The following KLRG2 variants were observed in gnomAD, a reference collection of about 807,000 sequenced individuals.
The protein encoded by KLRG2 is killer cell lectin-like receptor subfamily G member 2.
Under a neutral mutation model 35.4 loss-of-function variants are expected in KLRG2, and 39 were observed. The ratio of observed to expected loss-of-function variants is 1.10; its 90% confidence interval spans 0.85 to 1.44. KLRG2 has a LOEUF of 1.44. KLRG2 is among the 40% of genes most tolerant of loss of function. KLRG2 has a pLI of 0.00. For synonymous variants in KLRG2, 283 were observed against 265.8 expected (o/e 1.06, Z -0.63); for missense variants, 632 against 570.9 (o/e 1.11, Z -1.09).
downstream of KLRG2, among the ~76,000 whole-genome samples, chr7:139,450,095 T>G (rs539746831): frequency 3.0e-4 from 46 of 151,706 alleles, no homozygotes; most frequent in Non-Finnish European, 5.0e-4. Context: ...CAGGGTGGAG[T>G]GCAGTGTTGT....
chr7:139,461,801 TAAAC>T (rs1796574151), intron 3 of KLRG2, among the ~76,000 whole-genome samples: 1 of 152,162 alleles, frequency 6.6e-6, no homozygotes, highest in African/African-American at 2.4e-5. Flanking sequence ...CCAGGTTAAA[TAAAC>T]AGCCTCATTG....
chr7:139,480,974 C>G (rs1326027291), intron 1 of KLRG2, among the ~76,000 whole-genome samples: 1 of 151,688 alleles, frequency 6.6e-6, no homozygotes, highest in Non-Finnish European at 1.5e-5. Context: ...GAACTCCTGA[C>G]CCTAAGTGAT....
the KLRG2 span, among the ~76,000 whole-genome samples, chr7:139,440,411 CTTTTTTTTTTT>C: frequency 7.4e-5 from 3 of 40,512 alleles, no homozygotes; most frequent in African/African-American, 3.4e-4. Flanking sequence ...CCACACCTGG[CTTTTTTTTTTT>C]TTTTTTTTTT....
the KLRG2 span, among the ~76,000 whole-genome samples, chr7:139,433,181 A>C: frequency 5.3e-5 from 8 of 152,174 alleles, no homozygotes; most frequent in African/African-American, 1.9e-4. Flanking sequence ...ACTTTCACTC[A>C]GTCTCCATCC....
intron 3 of KLRG2, among the ~76,000 whole-genome samples, chr7:139,457,260 C>A (rs1226364851): frequency 6.6e-6 from 1 of 152,070 alleles, no homozygotes; most frequent in Non-Finnish European, 1.5e-5. Context: ...GATGGGAGGG[C>A]CCCAGGCTGC....
chr7:139,475,667 A>G (rs549594442), intron 3 of KLRG2, among the ~76,000 whole-genome samples: 33 of 152,086 alleles, frequency 2.2e-4, no homozygotes, highest in African/African-American at 7.2e-4. Context: ...GTGTGTTTGT[A>G]TCATTTAAAA....
chr7:139,432,742 TAA>T, the KLRG2 span, among the ~76,000 whole-genome samples: 3 of 152,238 alleles, frequency 2.0e-5, no homozygotes, highest in Non-Finnish European at 4.4e-5. Context: ...CTGTATACTT[TAA>T]GTCACCTCTA....
chr7:139,453,276 A>G lies in KLRG2; in HGVS notation c.*311T>C. The G allele has an allele frequency of 2.1e-6, 1 of 473,840 alleles. No homozygotes were observed. The highest frequency in any genetic ancestry group is 5.3e-4 in the Middle Eastern group (1 of 1,884). 29.4% of individuals were successfully genotyped at this position (473,840 alleles called of 1,614,324 possible). A position where few individuals can be genotyped will look rare whatever the true frequency, so the allele number is the denominator to read the frequency against. On this transcript the variant is annotated 3_prime_UTR_variant, in exon 5 of 5. Transcript: ENST00000340940. ...ACCCTGTCTTTTTCCTCTAGGGGGAAATTGTCATTTTAATGAAACCAAGGC... is the reference window on the plus strand; with the variant it reads ...ACCCTGTCTTTTTCCTCTAGGGGGAGATTGTCATTTTAATGAAACCAAGGC...
intron 3 of KLRG2, among the ~76,000 whole-genome samples, chr7:139,463,669 A>C (rs542181887): frequency 7.4e-4 from 113 of 152,296 alleles, no homozygotes; most frequent in Non-Finnish European, 1.5e-3. Flanking sequence ...AGACTGTCCA[A>C]GTCACCCAGC....
chr7:139,456,356 TATTTTTATTTTTTTA>T (rs913766594), intron 3 of KLRG2, among the ~76,000 whole-genome samples: 2 of 152,188 alleles, frequency 1.3e-5, no homozygotes, highest in African/African-American at 2.4e-5. Context: ...GTCTCTTTTT[TATTTTTATTTTTTTA>T]ATTTTTATTT....
chr7:139,476,789 C>T (rs1796857730), intron 3 of KLRG2, among the ~76,000 whole-genome samples: 1 of 152,138 alleles, frequency 6.6e-6, no homozygotes, highest in Non-Finnish European at 1.5e-5. Flanking sequence ...TGCTGCCTTG[C>T]TCACCTTGAC....
chr7:139,476,847 G>A (rs10273291), intron 3 of KLRG2, among the ~76,000 whole-genome samples: 2,638 of 152,174 alleles, frequency 0.017, 71 homozygotes, highest in African/African-American at 0.061. Context: ...ACTGTGCACC[G>A]TCCCTTCACA....
At chr7:139,473,983 T>C (rs906257505) in intron 3 of KLRG2, among the ~76,000 whole-genome samples, 2 of 148,348 alleles carry the variant, frequency 1.3e-5, no homozygotes, top group Admixed American at 6.7e-5. Flanking sequence ...ATGAATGACA[T>C]ACAAAGAACT....
the KLRG2 span, among the ~76,000 whole-genome samples, chr7:139,434,549 T>C: frequency 6.6e-6 from 1 of 152,234 alleles, no homozygotes. Flanking sequence ...AGCCTTCTCC[T>C]TGCTACTCAA....
At chr7:139,461,667 C>G (rs79381369) in intron 3 of KLRG2, among the ~76,000 whole-genome samples, 2 of 152,120 alleles carry the variant, frequency 1.3e-5, no homozygotes, top group Non-Finnish European at 2.9e-5. Context: ...TTATGACCCC[C>G]GCCCCTGCCC....
At chr7:139,464,562 C>T (rs1317617536) in intron 3 of KLRG2, among the ~76,000 whole-genome samples, 1 of 152,108 alleles carries the variant, frequency 6.6e-6, no homozygotes, top group East Asian at 1.9e-4. Context: ...AAATCCTTTC[C>T]CCACTCCCCT....
chr7:139,469,885 C>T (rs1041865941), intron 3 of KLRG2, among the ~76,000 whole-genome samples: 15 of 152,358 alleles, frequency 9.8e-5, no homozygotes, highest in South Asian at 4.1e-4. Context: ...CTCCAGCACA[C>T]GGTCAGGACA....
chr7:139,472,178 G>A (rs1323990133), intron 3 of KLRG2, among the ~76,000 whole-genome samples: 1 of 152,064 alleles, frequency 6.6e-6, no homozygotes, highest in Non-Finnish European at 1.5e-5. Flanking sequence ...CCAACAAAAC[G>A]TCATGCATGC....
At chr7:139,472,202 G>A (rs1018909900) in intron 3 of KLRG2, among the ~76,000 whole-genome samples, 1 of 152,116 alleles carries the variant, frequency 6.6e-6, no homozygotes, top group African/African-American at 2.4e-5. Flanking sequence ...AATCTTCAGT[G>A]AAATATTAAC....
Sources: gnomAD v4.1 joint callset for allele counts (sites outside exome capture counted in the v4.1 genomes callset) on GRCh38, gnomAD v4.1.1 for gene constraint, MANE v1.5 for transcripts, NCBI Gene and HGNC (gene_info 2026-07-23, HGNC 2026-07-21) for gene names.